Variants in AHI1 observed in about 807,000 individuals in gnomAD.
AHI1 encodes the protein jouberin.
AHI1 carries 123 observed loss-of-function variants against 149.3 expected under a neutral mutation model. The observed-to-expected ratio is 0.82, with a 90% CI of 0.71 to 0.96. The LOEUF (loss-of-function observed/expected upper bound fraction) is 0.96, where lower values mean the gene tolerates loss of function less well. Ranked by LOEUF, AHI1 falls within the 40% of genes least tolerant of loss-of-function variation. AHI1 has a pLI of 0.00. For missense variants in AHI1, 1,439 were observed against 1,422.7 expected, an observed-to-expected ratio of 1.01 and a Z score of -0.18; for synonymous variants, 475 against 459.8, an observed-to-expected ratio of 1.03 and a Z score of -0.42.
intron 23 of AHI1, among the ~76,000 whole-genome samples, chr6:135,372,901 T>C (rs1187348302): frequency 1.3e-5 from 2 of 152,180 alleles, no homozygotes; most frequent in Non-Finnish European, 2.9e-5. Context: ...CCTGATTTTT[T>C]TCATCTTCAT....
chr6:135,491,944 T>A (rs1005973377), intron 4 of AHI1, among the ~76,000 whole-genome samples: 7 of 152,194 alleles, frequency 4.6e-5, no homozygotes, highest in Admixed American at 2.0e-4. Context: ...AGTAAAACAT[T>A]CAATTTTGAT....
chr6:135,495,468 C>T (rs576375763), intron 3 of AHI1: 1 of 152,224 alleles, frequency 6.6e-6, no homozygotes, highest in Non-Finnish European at 1.5e-5. Context: ...GTGCTTCCTC[C>T]TTTGTCTCTC....
chr6:135,450,301 G>A (rs1257622266), intron 11 of AHI1, among the ~76,000 whole-genome samples: 2 of 152,180 alleles, frequency 1.3e-5, no homozygotes, highest in African/African-American at 4.8e-5. Flanking sequence ...TTAGCAAACA[G>A]AAATCACTAG....
At chr6:135,393,546 T>A (rs1441829535) in intron 23 of AHI1, among the ~76,000 whole-genome samples, 3 of 152,078 alleles carry the variant, frequency 2.0e-5, no homozygotes, top group African/African-American at 7.2e-5. Flanking sequence ...AAAGAAGTAG[T>A]ACATGACGCA....
intron 20 of AHI1, among the ~76,000 whole-genome samples, chr6:135,422,058 G>A (rs1205485130): frequency 6.6e-6 from 1 of 152,118 alleles, no homozygotes; most frequent in Non-Finnish European, 1.5e-5. Context: ...TACATTTGTA[G>A]ATGTATCGTA....
intron 24 of AHI1, among the ~76,000 whole-genome samples, chr6:135,327,086 T>C (rs904575973): frequency 2.0e-5 from 3 of 152,208 alleles, no homozygotes; most frequent in Non-Finnish European, 4.4e-5. Context: ...CTTTTTAAAA[T>C]GGATGAGTAG....
chr6:135,359,737 T>A (rs1257287613), intron 23 of AHI1, among the ~76,000 whole-genome samples: 1 of 152,210 alleles, frequency 6.6e-6, no homozygotes. Context: ...CTCACTATTG[T>A]AATCTGACTG....
At chr6:135,339,380 A>G (rs1359475906) in intron 24 of AHI1, among the ~76,000 whole-genome samples, 5 of 152,228 alleles carry the variant, frequency 3.3e-5, no homozygotes, top group Non-Finnish European at 7.4e-5. Context: ...GACTTACTAG[A>G]CAAATATTTT....
At chr6:135,401,455 G>A (rs1780013108) in intron 22 of AHI1, among the ~76,000 whole-genome samples, 1 of 152,102 alleles carries the variant, frequency 6.6e-6, no homozygotes, top group South Asian at 2.1e-4. Context: ...AAATACTGTA[G>A]AAGGGCAAAA....
At chr6:135,335,095 A>G (rs1163156144) in intron 24 of AHI1, among the ~76,000 whole-genome samples, 2 of 152,202 alleles carry the variant, frequency 1.3e-5, no homozygotes, top group Non-Finnish European at 2.9e-5. Flanking sequence ...GAATCTTAGA[A>G]TGTTACTGGC....
intron 22 of AHI1, 28 bp from the exon 23 acceptor site, chr6:135,394,924 A>G (rs1233921060): frequency 1.2e-5 from 19 of 1,575,346 alleles, no homozygotes; most frequent in Non-Finnish European, 1.5e-5. Context: ...ATCAGAAACT[A>G]CAGTGTAATT....
intron 21 of AHI1, among the ~76,000 whole-genome samples, chr6:135,408,944 C>T (rs1257503552): frequency 3.3e-5 from 5 of 152,122 alleles, no homozygotes; most frequent in African/African-American, 1.2e-4. Context: ...TTTAACAAAG[C>T]ATCTTCCTCC....
At chr6:135,481,636 T>C (rs752548030) in intron 5 of AHI1, among the ~76,000 whole-genome samples, 52 of 151,564 alleles carry the variant, frequency 3.4e-4, no homozygotes, top group Non-Finnish European at 6.2e-4. Flanking sequence ...AAAATCCTTC[T>C]ATATCACGTT....
chr6:135,387,782 C>A, intron 23 of AHI1: 1 of 1,266,128 alleles, frequency 7.9e-7, no homozygotes, highest in African/African-American at 1.5e-5. Context: ...AAAAGCCTCC[C>A]ATAACCTCAT....
At chr6:135,307,196 T>C (rs934595424) in intron 26 of AHI1, 1 of 152,238 alleles carries the variant, frequency 6.6e-6, no homozygotes, top group Non-Finnish European at 1.5e-5. Context: ...TTTTATTGTA[T>C]GCATGGCTTG....
intron 7 of AHI1, among the ~76,000 whole-genome samples, chr6:135,465,122 C>T (rs1371981583): frequency 1.3e-5 from 2 of 152,032 alleles, no homozygotes; most frequent in East Asian, 3.9e-4. Flanking sequence ...ATGCTGAATG[C>T]CAAAGAATAG....
rs2128006011 is a variant in AHI1, at chr6:135,427,295, G to C, written c.2636C>G (p.Ala879Gly). Residue 879 changes from alanine to glycine, a missense_variant, in exon 20 of 29, where the codon GCC (alanine) becomes GGC (glycine). By Grantham distance (60) the Ala-to-Gly change is moderately conservative (BLOSUM62 0). Transcript: ENST00000265602. ...CTTGAATGGCAAGTCAGAATACATG[G>C]CTACTTGTTCTCCTAAATAAAAAGA... ...VWNPETGEQVAMYSDLPFKSP... is the reference protein window; with the variant it reads ...VWNPETGEQVGMYSDLPFKSP... 7.5e-6 allele frequency: 12 copies of C among 1,608,652 alleles called. No homozygotes were observed. In the East Asian group the frequency reaches 2.2e-4, roughly 30 times the overall value.
At chr6:135,417,018 A>C (rs1327421634) in intron 20 of AHI1, among the ~76,000 whole-genome samples, 1 of 152,112 alleles carries the variant, frequency 6.6e-6, no homozygotes, top group East Asian at 1.9e-4. Context: ...ACCCTCAACT[A>C]TTCAAAGACT....
At chr6:135,470,202 C>G (rs190430713) in intron 5 of AHI1, among the ~76,000 whole-genome samples, 2 of 152,056 alleles carry the variant, frequency 1.3e-5, no homozygotes, top group African/African-American at 4.8e-5. Flanking sequence ...ATGGGGCCAA[C>G]AAACATGATA....
Sources: allele counts gnomAD v4.1 joint callset (sites outside exome capture counted in the v4.1 genomes callset), GRCh38; gene constraint gnomAD v4.1.1; transcripts MANE v1.5; gene names NCBI Gene and HGNC (gene_info 2026-07-23, HGNC 2026-07-21).